Variants in PTPRK observed in about 807,000 individuals in gnomAD.
The protein encoded by PTPRK is receptor-type tyrosine-protein phosphatase kappa.
A neutral mutation model predicts 178.0 loss-of-function variants in PTPRK; 75 were observed. That is an observed-to-expected ratio of 0.42 (90% CI 0.35 to 0.51). The LOEUF (loss-of-function observed/expected upper bound fraction) is 0.51, where lower values mean the gene tolerates loss of function less well. PTPRK is among the 20% of genes least tolerant of loss of function. PTPRK has a pLI of 0.02. For missense variants in PTPRK, 1,441 were observed against 1,797.8 expected (o/e 0.80, Z 3.59); for synonymous variants, 637 against 620.6 (o/e 1.03, Z -0.39).
At chr6:128,346,096 T>A (rs1365200188) in intron 2 of PTPRK, among the ~76,000 whole-genome samples, 1 of 152,110 alleles carries the variant, frequency 6.6e-6, no homozygotes, top group South Asian at 2.1e-4. Context: ...TGAATAACAA[T>A]CAGAAGCAGG....
intron 1 of PTPRK, among the ~76,000 whole-genome samples, chr6:128,435,542 G>A (rs945944394): frequency 8.5e-5 from 13 of 152,170 alleles, no homozygotes; most frequent in African/African-American, 3.1e-4. Flanking sequence ...GCTGGGCAAA[G>A]ACCAAGAGTC....
At chr6:128,177,982 A>AT (rs1361543006) in intron 7 of PTPRK, among the ~76,000 whole-genome samples, 16 of 151,968 alleles carry the variant, frequency 1.1e-4, no homozygotes, top group Admixed American at 2.6e-4. Context: ...TAGATTTCCT[A>AT]TATCTGAGTA....
intron 1 of PTPRK, among the ~76,000 whole-genome samples, chr6:128,398,824 C>T (rs1302934483): frequency 3.3e-5 from 5 of 152,072 alleles, no homozygotes; most frequent in African/African-American, 9.7e-5. Context: ...TCTTTTTAAA[C>T]GGGGGTAGCA....
At position 127,968,934 on chromosome 6, in the gene PTPRK, G is replaced by A. The variant is rs977811141; in HGVS notation, c.*1293C>T. Reference sequence around the variant, plus strand: ...TGATGTGAAGTTACAGCTACGTGGAGCATGTGAACAAGACCACATTTAGAA... The same window carrying A: ...TGATGTGAAGTTACAGCTACGTGGAACATGTGAACAAGACCACATTTAGAA... On this transcript the variant is annotated 3_prime_UTR_variant, in exon 30 of 30. Coordinates refer to ENST00000368226, the MANE Select transcript of PTPRK (RefSeq NM_002844.4). 5 of 152,212 alleles carry A rather than the reference G, an allele frequency of 3.3e-5. No individual in the cohort carries two copies. The highest frequency in any genetic ancestry group is 7.3e-5 in the Non-Finnish European group (5 of 68,032). 9.4% of individuals were successfully genotyped at this position (152,212 alleles called of 1,614,324 possible). A position where few individuals can be genotyped will look rare whatever the true frequency, so the allele number is the denominator to read the frequency against.
chr6:127,991,479 T>G (rs1289563415), intron 19 of PTPRK, 88 bp from the exon 20 acceptor site: 1 of 924,736 alleles, frequency 1.1e-6, no homozygotes, highest in African/African-American at 1.7e-5. Context: ...CAGAGTAAAC[T>G]AAGTAATTCC....
chr6:128,144,525 C>A (rs1276416901), intron 7 of PTPRK, among the ~76,000 whole-genome samples: 1 of 152,136 alleles, frequency 6.6e-6, no homozygotes, highest in Non-Finnish European at 1.5e-5. Flanking sequence ...TCAGTAATCA[C>A]CTCAGAGAGG....
chr6:128,181,815 CCTAA>C (rs1285520589), intron 7 of PTPRK, among the ~76,000 whole-genome samples: 2 of 151,980 alleles, frequency 1.3e-5, no homozygotes, highest in Admixed American at 6.6e-5. Context: ...ACATCATAAT[CCTAA>C]CTAACACTCT....
intron 1 of PTPRK, among the ~76,000 whole-genome samples, chr6:128,463,737 C>T (rs1849376998): frequency 6.9e-6 from 1 of 144,056 alleles, no homozygotes; most frequent in African/African-American, 2.6e-5. Flanking sequence ...AGTCAATCTT[C>T]ACGGTTTTTT....
At chr6:128,340,475 G>A (rs1831519621) in intron 2 of PTPRK, among the ~76,000 whole-genome samples, 1 of 152,122 alleles carries the variant, frequency 6.6e-6, no homozygotes, top group Non-Finnish European at 1.5e-5. Flanking sequence ...AATTCACTAT[G>A]GGCATGAAAG....
At chr6:128,252,948 A>G (rs533183082) in intron 3 of PTPRK, among the ~76,000 whole-genome samples, 1 of 152,170 alleles carries the variant, frequency 6.6e-6, no homozygotes, top group Non-Finnish European at 1.5e-5. Context: ...TGACACCCCT[A>G]TCACTAAAGC....
intron 7 of PTPRK, among the ~76,000 whole-genome samples, chr6:128,177,900 CACAA>C (rs1351798189): frequency 1.3e-5 from 2 of 151,684 alleles, no homozygotes; most frequent in Non-Finnish European, 2.9e-5. Flanking sequence ...TTTAAAAAAA[CACAA>C]ACAACTTTGA....
At position 128,280,114 on chromosome 6, in the gene PTPRK, A is replaced by G. The variant is rs1224078261; in HGVS notation, c.496-37512T>C. ...ACCTCTTCCCCATCTCCTAAATCTG[A>G]AAACACAGCTTGAGTTAAACTACTC... On this transcript the variant is annotated intron_variant, in intron 3 of 29. Transcript: ENST00000368226. Among the ~76,000 whole-genome samples, 3 of 152,208 alleles carry G rather than the reference A, an allele frequency of 2.0e-5. No homozygotes were observed. The East Asian group carries it at 5.8e-4, about 29-fold the overall frequency.
At chr6:128,032,004 G>A (rs1462302175) in intron 13 of PTPRK, among the ~76,000 whole-genome samples, 1 of 152,128 alleles carries the variant, frequency 6.6e-6, no homozygotes, top group African/African-American at 2.4e-5. Flanking sequence ...CAGTGTATTC[G>A]CAGTCACAAC....
chr6:128,476,975 T>C (rs1171493205), intron 1 of PTPRK, among the ~76,000 whole-genome samples: 1 of 152,004 alleles, frequency 6.6e-6, no homozygotes, highest in African/African-American at 2.4e-5. Flanking sequence ...GGCTTCCATG[T>C]GTTTTCCAAG....
chr6:127,997,179 T>C (rs908408865), intron 16 of PTPRK, among the ~76,000 whole-genome samples, 191 bp from the exon 17 acceptor site: 4 of 152,008 alleles, frequency 2.6e-5, no homozygotes, highest in African/African-American at 9.7e-5. Flanking sequence ...TTAAATTGGA[T>C]TCAGGTCAAA....
chr6:128,101,794 T>C (rs187505642), intron 7 of PTPRK, among the ~76,000 whole-genome samples: 3 of 152,280 alleles, frequency 2.0e-5, no homozygotes, highest in Non-Finnish European at 4.4e-5. Flanking sequence ...CCAAAACTAA[T>C]GTAGCACTGT....
At chr6:128,344,897 G>A (rs762219588) in intron 2 of PTPRK, among the ~76,000 whole-genome samples, 1 of 151,950 alleles carries the variant, frequency 6.6e-6, no homozygotes, top group Admixed American at 6.6e-5. Context: ...AAAAATGGTG[G>A]GAAATTTTTT....
At chr6:128,200,933 G>C (rs1410248451) in intron 6 of PTPRK, among the ~76,000 whole-genome samples, 1 of 141,326 alleles carries the variant, frequency 7.1e-6, no homozygotes, top group African/African-American at 2.7e-5. Flanking sequence ...GGGAGGGGAA[G>C]GGAAGGGACA....
intron 3 of PTPRK, among the ~76,000 whole-genome samples, chr6:128,311,408 C>T (rs1014621682): frequency 6.6e-6 from 1 of 152,096 alleles, no homozygotes; most frequent in Non-Finnish European, 1.5e-5. Flanking sequence ...GGTCCAAGCA[C>T]CGAGGAGTCA....
Sources: allele counts gnomAD v4.1 joint callset (sites outside exome capture counted in the v4.1 genomes callset), GRCh38; gene constraint gnomAD v4.1.1; transcripts MANE v1.5; gene names NCBI Gene and HGNC (gene_info 2026-07-23, HGNC 2026-07-21).